Variants in DCAF6 observed in about 807,000 individuals in gnomAD.
DCAF6 encodes DDB1- and CUL4-associated factor 6.
In DCAF6, 54 loss-of-function variants were observed where a neutral mutation model predicts 125.1. That is an observed-to-expected ratio of 0.43 (90% CI 0.35 to 0.54). The LOEUF is 0.54. Ranked by LOEUF, DCAF6 falls within the 20% of genes least tolerant of loss-of-function variation. DCAF6 has a pLI of 0.01. For missense variants in DCAF6, 934 were observed against 1,161.7 expected (o/e 0.80, Z 2.85); for synonymous variants, 371 against 390.4 (o/e 0.95, Z 0.58).
At position 167,944,076 on chromosome 1, in the gene DCAF6, T is replaced by C. The variant is rs563988068; in HGVS notation, c.97+7068T>C. ...CCAGGATGGCCTCGATCCCCCGACC[T>C]TGTGATCTGCCCGCCTCGGCCTCCC... On this transcript the variant is annotated intron_variant, in intron 1 of 21. Coordinates refer to ENST00000367840, the MANE Select transcript of DCAF6 (RefSeq NM_001198956.2). Among the ~76,000 whole-genome samples, 731 of 152,308 alleles carry C rather than the reference T, an allele frequency of 4.8e-3. 3 individuals are homozygous for C. The highest frequency in any genetic ancestry group is 0.017 in the African/African-American group (701 of 41,562).
chr1:167,969,347 G>A (rs1031056520), intron 3 of DCAF6: 2 of 152,136 alleles, frequency 1.3e-5, no homozygotes, highest in African/African-American at 4.8e-5. Context: ...ACAAACAGTG[G>A]CTAGGTTCTA....
At chr1:168,066,927 G>A (rs1458230876) in intron 20 of DCAF6, among the ~76,000 whole-genome samples, 2 of 152,142 alleles carry the variant, frequency 1.3e-5, no homozygotes. Flanking sequence ...ACAAATGAGT[G>A]AAGAATCTTT....
At chr1:167,938,676 G>A (rs1323305943) in intron 1 of DCAF6, among the ~76,000 whole-genome samples, 1 of 152,190 alleles carries the variant, frequency 6.6e-6, no homozygotes, top group Non-Finnish European at 1.5e-5. Context: ...CGTTAACATT[G>A]TTTTGCATGG....
At chr1:167,890,342 A>G in the DCAF6 span, among the ~76,000 whole-genome samples, 2 of 152,224 alleles carry the variant, frequency 1.3e-5, no homozygotes, top group Non-Finnish European at 2.9e-5. Flanking sequence ...AATAAGATCC[A>G]GAAGAATTCT....
the DCAF6 span, among the ~76,000 whole-genome samples, chr1:167,909,000 C>T: frequency 6.6e-6 from 1 of 152,076 alleles, no homozygotes; most frequent in Non-Finnish European, 1.5e-5. Context: ...CGTGTAATAC[C>T]CATTCATAGC....
intron 4 of DCAF6, among the ~76,000 whole-genome samples, chr1:167,981,805 T>C (rs1273059696): frequency 6.6e-6 from 1 of 152,204 alleles, no homozygotes; most frequent in East Asian, 1.9e-4. Flanking sequence ...TGATTCTGTG[T>C]CTTTGTTATT....
At chr1:168,050,698 TG>T (rs1353971416) in intron 16 of DCAF6, among the ~76,000 whole-genome samples, 193 bp from the exon 17 acceptor site, 4 of 152,364 alleles carry the variant, frequency 2.6e-5, no homozygotes, top group Middle Eastern at 3.4e-3. Context: ...TGAGTGTTTC[TG>T]TTTCCTTAAT....
At chr1:168,060,284 A>G (rs967317825) in intron 17 of DCAF6, among the ~76,000 whole-genome samples, 4 of 152,094 alleles carry the variant, frequency 2.6e-5, no homozygotes, top group Non-Finnish European at 5.9e-5. Flanking sequence ...GGCTCAAGCC[A>G]TCCTCCCACC....
the DCAF6 span, among the ~76,000 whole-genome samples, chr1:167,903,175 G>C: frequency 6.6e-6 from 1 of 152,156 alleles, no homozygotes; most frequent in African/African-American, 2.4e-5. Flanking sequence ...AGAATCGCTT[G>C]AACCTGGGAG....
chr1:167,966,827 TCCTC>T, intron 3 of DCAF6, 106 bp downstream of exon 3: 3 of 697,120 alleles, frequency 4.3e-6, no homozygotes, highest in Non-Finnish European at 7.4e-6. Context: ...TATTAGAATA[TCCTC>T]CCTATTTTGC....
the DCAF6 span, among the ~76,000 whole-genome samples, chr1:167,914,611 A>G: frequency 2.0e-5 from 3 of 152,206 alleles, no homozygotes; most frequent in Admixed American, 1.3e-4. Flanking sequence ...TATCCCAAAG[A>G]TAACTTGAAA....
intron 4 of DCAF6, among the ~76,000 whole-genome samples, chr1:167,982,848 G>A (rs1679400256): frequency 6.6e-6 from 1 of 152,134 alleles, no homozygotes; most frequent in African/African-American, 2.4e-5. Flanking sequence ...ATGGTGAAAT[G>A]TAGGGGGGTC....
chr1:167,872,475 A>G, the DCAF6 span, among the ~76,000 whole-genome samples: 2 of 152,068 alleles, frequency 1.3e-5, no homozygotes, highest in African/African-American at 2.4e-5. Flanking sequence ...GGATTCTAAA[A>G]TGAGATTGTC....
chr1:167,902,726 A>T, the DCAF6 span, among the ~76,000 whole-genome samples: 1 of 152,242 alleles, frequency 6.6e-6, no homozygotes, highest in Non-Finnish European at 1.5e-5. Flanking sequence ...ACACTAGGCC[A>T]GGAGTTCACC....
intron 17 of DCAF6, among the ~76,000 whole-genome samples, chr1:168,060,476 G>A (rs545084215): frequency 5.9e-5 from 9 of 152,224 alleles, no homozygotes; most frequent in East Asian, 1.9e-4. Flanking sequence ...GTGAGCCACC[G>A]TGCCTGGCCT....
At chr1:167,994,139 T>C (rs935670920) in intron 7 of DCAF6, among the ~76,000 whole-genome samples, 4 of 152,036 alleles carry the variant, frequency 2.6e-5, no homozygotes, top group Non-Finnish European at 5.9e-5. Context: ...AAATCACTAA[T>C]TTATTATTGG....
At chr1:167,974,626 C>CA (rs1677857590) in intron 3 of DCAF6, among the ~76,000 whole-genome samples, 1 of 151,998 alleles carries the variant, frequency 6.6e-6, no homozygotes, top group African/African-American at 2.4e-5. Flanking sequence ...TGATGGTACT[C>CA]AATCTTATTC....
the DCAF6 span, chr1:167,883,397 A>C: frequency 6.2e-7 from 1 of 1,602,970 alleles, no homozygotes; most frequent in Middle Eastern, 1.7e-4. Flanking sequence ...ATGCTAACCT[A>C]AAACTATTGG....
chr1:167,931,403 ATTTTT>A (rs1670906174), upstream of DCAF6, among the ~76,000 whole-genome samples: 1 of 152,118 alleles, frequency 6.6e-6, no homozygotes, highest in Admixed American at 6.5e-5. Flanking sequence ...AAGATATTCT[ATTTTT>A]CACCAATATT....
Sources: gnomAD v4.1 joint callset for allele counts (sites outside exome capture counted in the v4.1 genomes callset) on GRCh38, gnomAD v4.1.1 for gene constraint, MANE v1.5 for transcripts, NCBI Gene and HGNC (gene_info 2026-07-23, HGNC 2026-07-21) for gene names.